The following CCDC15 variants were observed in gnomAD, a reference collection of about 807,000 sequenced individuals.
The protein encoded by CCDC15 is coiled-coil domain containing 15.
Under a neutral mutation model 114.5 loss-of-function variants are expected in CCDC15, and 105 were observed. The observed-to-expected ratio is 0.92, with a 90% confidence interval of 0.78 to 1.08. CCDC15 has a LOEUF of 1.08. Ranked by LOEUF, CCDC15 falls within the 50% of genes least tolerant of loss-of-function variation. The pLI, the probability that CCDC15 is intolerant of heterozygous loss-of-function variation, is 0.00. For synonymous variants in CCDC15, 334 were observed against 377.8 expected (o/e 0.88, Z 1.34); for missense variants, 1,105 against 1,093.6 (o/e 1.01, Z -0.15).
intron 13 of CCDC15, chr11:125,037,967 G>C (rs1948787380): frequency 6.8e-6 from 1 of 147,568 alleles, no homozygotes; most frequent in Non-Finnish European, 1.5e-5. Flanking sequence ...TGCCCAGGCT[G>C]GAGTGCAGTG....
intron 11 of CCDC15, among the ~76,000 whole-genome samples, chr11:124,998,469 AC>A (rs1334559482): frequency 2.0e-5 from 3 of 152,058 alleles, no homozygotes; most frequent in Non-Finnish European, 4.4e-5. Flanking sequence ...CTGACCTATT[AC>A]CTTTTTGTCT....
chr11:124,987,533 AAGACC>A lies in CCDC15; in HGVS notation c.1311_1315del (p.Asp437GlufsTer37). ...CTCAAAGACCACTGTGTTCTCCCTA[AAGACC>A]AGAGTATTCTACTCAAATATCAGGA... On this transcript the variant is annotated frameshift_variant, in exon 8 of 16. Coordinates refer to ENST00000344762, the MANE Select transcript of CCDC15 (RefSeq NM_025004.3). LOFTEE classifies it high-confidence loss of function. The A allele has an allele frequency of 2.5e-6, 4 of 1,614,046 alleles. No individual in the cohort carries two copies. Among genetic ancestry groups the A allele is most frequent in the Non-Finnish European group, 3.4e-6 (4 of 1,179,904 alleles).
chr11:124,993,444 A>C (rs1648943936), intron 11 of CCDC15, among the ~76,000 whole-genome samples: 2 of 152,212 alleles, frequency 1.3e-5, no homozygotes, highest in South Asian at 4.1e-4. Flanking sequence ...GTATCACACC[A>C]TTCTGACCTA....
At chr11:124,971,137 T>C (rs1220981489) in intron 4 of CCDC15, among the ~76,000 whole-genome samples, 1 of 152,214 alleles carries the variant, frequency 6.6e-6, no homozygotes, top group East Asian at 1.9e-4. Flanking sequence ...GGTTGTCTGG[T>C]ATACCTGGGA....
intron 11 of CCDC15, among the ~76,000 whole-genome samples, chr11:125,001,006 A>G (rs1948471598): frequency 6.6e-6 from 1 of 152,236 alleles, no homozygotes; most frequent in Non-Finnish European, 1.5e-5. Context: ...ACAGCACTGT[A>G]ACTCATGCTG....
chr11:124,983,295 C>G (rs182421906), intron 6 of CCDC15, among the ~76,000 whole-genome samples: 31 of 152,246 alleles, frequency 2.0e-4, no homozygotes, highest in African/African-American at 7.5e-4. Flanking sequence ...TTATCTCAAC[C>G]ATTTCAGACT....
chr11:124,995,776 T>C (rs1410806683), intron 11 of CCDC15, among the ~76,000 whole-genome samples: 1 of 152,060 alleles, frequency 6.6e-6, no homozygotes, highest in African/African-American at 2.4e-5. Flanking sequence ...TCTGAATCTC[T>C]TCTTGTCCTT....
At position 124,987,118 on chromosome 11, in the gene CCDC15, C is replaced by T. The variant is rs1222333836; in HGVS notation, c.901-9C>T. The T allele has an allele frequency of 1.3e-6, 2 of 1,493,706 alleles. No individual in the cohort carries two copies. 92.5% of individuals were successfully genotyped at this position (1,493,706 alleles called of 1,614,324 possible). On this transcript the variant is annotated splice_polypyrimidine_tract_variant and intron_variant, in intron 7 of 15. Transcript: ENST00000344762. ...ACATTCTGTATTTGGTGTTTATGTTCACTTTTAGAAAGTAAAATTCAAAAA... is the reference window on the plus strand; with the variant it reads ...ACATTCTGTATTTGGTGTTTATGTTTACTTTTAGAAAGTAAAATTCAAAAA...
intron 4 of CCDC15, among the ~76,000 whole-genome samples, chr11:124,966,735 A>C (rs576896729): frequency 6.6e-6 from 1 of 152,288 alleles, no homozygotes; most frequent in African/African-American, 2.4e-5. Context: ...TCTTCCTAGC[A>C]TCGATGGTCT....
chr11:124,986,754 G>T lies in CCDC15; in HGVS notation c.766G>T (p.Glu256Ter). The T allele has an allele frequency of 6.5e-7, 1 of 1,537,038 alleles. No individual in the cohort carries two copies. Among genetic ancestry groups the T allele is most frequent in the Non-Finnish European group, 8.8e-7 (1 of 1,141,558 alleles). ...TTTTTTTCTTTAGGAACTTGACTAT[G>T]AGGAACCTGACTATGAGGAATCTTC... ...NYMENQELDY[E>*]EPDYEESSSL... Residue 256 changes from glutamate to a stop codon, truncating the protein, a stop_gained, in exon 7 of 16, where the codon GAG (glutamate) becomes TAG (stop). Transcript: ENST00000344762. LOFTEE classifies it high-confidence loss of function.
chr11:125,031,223 A>C (rs1176925678), intron 13 of CCDC15, among the ~76,000 whole-genome samples: 1 of 152,148 alleles, frequency 6.6e-6, no homozygotes, highest in African/African-American at 2.4e-5. Context: ...GCAGCTGTCC[A>C]CTTTCGGGTG....
In CCDC15 at chr11:125,040,698, T is replaced by G; in HGVS notation, c.2843T>G (p.Leu948Trp). The change falls in exon 16 of 16, where the codon TTG (leucine) becomes TGG (tryptophan). Residue 948 changes from leucine (L) to tryptophan (W), a missense_variant. Coordinates refer to ENST00000344762, the MANE Select transcript of CCDC15 (RefSeq NM_025004.3). Reference sequence around the variant, plus strand: ...TTTGCTTCTGCACACAGGCGGACTTTGAAAAATCTATAATAAGAATCTGAA... The same window carrying G: ...TTTGCTTCTGCACACAGGCGGACTTGGAAAAATCTATAATAAGAATCTGAA... ...HNFASAHRRT[L>W]KNL 1 of 1,611,782 alleles carries G rather than the reference T, an allele frequency of 6.2e-7. No individual in the cohort carries two copies. Among genetic ancestry groups the G allele is most frequent in the Non-Finnish European group, 8.5e-7 (1 of 1,178,754 alleles).
chr11:125,039,247 T>G (rs1454459946), intron 15 of CCDC15, 178 bp downstream of exon 15: 1 of 479,744 alleles, frequency 2.1e-6, no homozygotes, highest in African/African-American at 2.0e-5. Context: ...TATTTCTCTT[T>G]GAGATCTGTT....
In CCDC15 at chr11:124,988,208, C is replaced by T. The variant is rs575940214; in HGVS notation, c.1908+74C>T. The T allele has an allele frequency of 2.4e-4, 344 of 1,434,992 alleles. 2 individuals are homozygous for T. The highest frequency in any genetic ancestry group is 4.3e-5 in the Non-Finnish European group (46 of 1,059,722). 88.9% of individuals were successfully genotyped at this position (1,434,992 alleles called of 1,614,324 possible). On this transcript the variant is annotated intron_variant, in intron 8 of 15. Coordinates refer to ENST00000344762, the MANE Select transcript of CCDC15 (RefSeq NM_025004.3). ...GGGTTTGAGGAGGGATTTGTAAGGA[C>T]TGCAAGTATACCTTGGAGATACTGT...
intron 13 of CCDC15, among the ~76,000 whole-genome samples, chr11:125,028,977 G>A (rs1309652418): frequency 6.6e-6 from 1 of 152,130 alleles, no homozygotes; most frequent in Non-Finnish European, 1.5e-5. Context: ...AGGCTGAGGA[G>A]CAAGGAGAAC....
At chr11:124,992,762 C>A in intron 10 of CCDC15, 75 bp downstream of exon 10, 1 of 802,096 alleles carries the variant, frequency 1.2e-6, no homozygotes, top group South Asian at 1.8e-5. Context: ...AACATTGAGG[C>A]TGAAGCCTGT....
chr11:125,022,820 C>G (rs1948670549), intron 13 of CCDC15, among the ~76,000 whole-genome samples: 1 of 151,868 alleles, frequency 6.6e-6, no homozygotes, highest in Non-Finnish European at 1.5e-5. Context: ...TTGGCCTCAT[C>G]AGGCCAATTC....
intron 8 of CCDC15, 50 bp downstream of exon 8, chr11:124,988,184 G>T (rs1471056305): frequency 6.5e-7 from 1 of 1,539,688 alleles, no homozygotes; most frequent in Non-Finnish European, 8.8e-7. Context: ...AGCTACTTAG[G>T]GTTTGAGGAG....
In CCDC15 at chr11:125,016,329, T is replaced by A. The variant is rs1328463396; in HGVS notation, c.2411+11117T>A. Among the ~76,000 whole-genome samples, 3 of 152,116 alleles carry A rather than the reference T, an allele frequency of 2.0e-5. No individual in the cohort carries two copies. In the East Asian group the frequency reaches 5.8e-4, roughly 29 times the overall value. On this transcript the variant is annotated intron_variant, in intron 13 of 15. Transcript: ENST00000344762. ...TTTTTTCTCCCTTGAAATATAATAC[T>A]GTTGTTCTAAAAGCAACCTGACAAA...
Sources: gnomAD v4.1 joint callset for allele counts (sites outside exome capture counted in the v4.1 genomes callset) on GRCh38, gnomAD v4.1.1 for gene constraint, MANE v1.5 for transcripts, NCBI Gene and HGNC (gene_info 2026-07-23, HGNC 2026-07-21) for gene names.